ZNF793: variants seen among roughly 807,000 people sequenced by gnomAD.
ZNF793 encodes the protein zinc finger protein 793.
A neutral mutation model predicts 12.4 loss-of-function variants in ZNF793; 5 were observed. That is an observed-to-expected ratio of 0.40 (90% CI 0.21 to 0.84). ZNF793 has a LOEUF of 0.84. ZNF793 is among the 40% of genes least tolerant of loss of function. ZNF793 has a pLI of 0.35. For synonymous variants in ZNF793, 162 were observed against 172.4 expected (o/e 0.94, Z 0.47); for missense variants, 456 against 495.0 (o/e 0.92, Z 0.75).
chr19:37,510,295 A>G (rs1480482406), intron 2 of ZNF793, among the ~76,000 whole-genome samples: 1 of 151,730 alleles, frequency 6.6e-6, no homozygotes, highest in Non-Finnish European at 1.5e-5. Context: ...ACTTGAGGTC[A>G]GGAGTTCAAG....
intron 6 of ZNF793, among the ~76,000 whole-genome samples, chr19:37,532,716 G>A (rs1474187139): frequency 1.3e-5 from 2 of 152,070 alleles, no homozygotes; most frequent in Admixed American, 6.5e-5. Context: ...CTACTCAGGA[G>A]GCTAAGGCAG....
At chr19:37,523,320 G>C in intron 4 of ZNF793, 90 bp from the exon 5 acceptor site, 2 of 1,009,264 alleles carry the variant, frequency 2.0e-6, no homozygotes, top group South Asian at 2.8e-5. Context: ...ATTTACAAAG[G>C]GAATTTGCAA....
chr19:37,534,909 C>T (rs1396808220), intron 7 of ZNF793: 3 of 152,338 alleles, frequency 2.0e-5, no homozygotes, highest in African/African-American at 7.2e-5. Flanking sequence ...GTCTCAAACT[C>T]CTGGGCTCAA....
chr19:37,532,323 C>A, intron 5 of ZNF793, 33 bp from the exon 6 acceptor site: 1 of 1,597,632 alleles, frequency 6.3e-7, no homozygotes, highest in South Asian at 1.1e-5. Context: ...CATTTTTTTT[C>A]GACATGACTC....
intron 3 of ZNF793, among the ~76,000 whole-genome samples, chr19:37,522,261 G>C (rs931557281): frequency 2.6e-5 from 4 of 152,032 alleles, no homozygotes; most frequent in Non-Finnish European, 1.5e-5. Flanking sequence ...GCAATGGCGC[G>C]ATCTTGGCTC....
chr19:37,527,911 G>A (rs189779034), intron 5 of ZNF793, among the ~76,000 whole-genome samples: 20 of 151,892 alleles, frequency 1.3e-4, no homozygotes, highest in Non-Finnish European at 2.5e-4. Flanking sequence ...TTGAGGTCAG[G>A]AGTTTGAGAC....
intron 5 of ZNF793, 131 bp downstream of exon 5, chr19:37,523,585 T>A: frequency 1.2e-6 from 1 of 825,426 alleles, no homozygotes; most frequent in Non-Finnish European, 2.0e-6. Context: ...GACTCATAGA[T>A]GGAGATTTTT....
At chr19:37,524,152 A>AAATAATAATAAT (rs200203820) in intron 5 of ZNF793, among the ~76,000 whole-genome samples, 1 of 138,950 alleles carries the variant, frequency 7.2e-6, no homozygotes, top group African/African-American at 2.7e-5. Flanking sequence ...CTCCATCTCA[A>AAATAATAATAAT]AATAATAATA....
At chr19:37,517,287 A>G (rs1279397384) in intron 2 of ZNF793, among the ~76,000 whole-genome samples, 1 of 152,074 alleles carries the variant, frequency 6.6e-6, no homozygotes, top group Non-Finnish European at 1.5e-5. Flanking sequence ...TTTAGTCTGT[A>G]TCTACAGCTG....
chr19:37,531,554 G>GC (rs968111421), intron 5 of ZNF793, among the ~76,000 whole-genome samples: 3 of 151,960 alleles, frequency 2.0e-5, no homozygotes, highest in African/African-American at 4.8e-5. Context: ...TCACCGTTTT[G>GC]CCCCCCGGCC....
At chr19:37,509,336 A>T (rs556671199) in intron 2 of ZNF793, among the ~76,000 whole-genome samples, 1 of 152,324 alleles carries the variant, frequency 6.6e-6, no homozygotes, top group Non-Finnish European at 1.5e-5. Context: ...GCAGTATTTG[A>T]CTTTCTATTT....
Position 37,538,199 on chromosome 19 carries a change from G to A in ZNF793, c.*320G>A, listed in dbSNP as rs957654882. The stretch of plus-strand genomic sequence containing the variant: ...CAAAGTGCTGGGATTACAGGCGTGA[G>A]CCACCGCGCCTGGCCGGTATGTAGG... On this transcript the variant is annotated 3_prime_UTR_variant, in exon 8 of 8. Coordinates refer to ENST00000627814, the MANE Select transcript of ZNF793 (RefSeq NM_001013659.3). 5.2e-5 allele frequency: 12 copies of A among 229,570 alleles called. No individual in the cohort carries two copies. Among genetic ancestry groups the A allele is most frequent in the South Asian group, 9.0e-5 (1 of 11,166 alleles). 14.2% of individuals were successfully genotyped at this position (229,570 alleles called of 1,614,324 possible). A position where few individuals can be genotyped will look rare whatever the true frequency, so the allele number is the denominator to read the frequency against.
At chr19:37,523,285 C>CT in intron 4 of ZNF793, 125 bp from the exon 5 acceptor site, 1 of 771,246 alleles carries the variant, frequency 1.3e-6, no homozygotes, top group Non-Finnish European at 2.2e-6. Context: ...CCACACCCAG[C>CT]TAAAAGCATG....
chr19:37,516,397 G>C (rs1313820793), intron 2 of ZNF793, among the ~76,000 whole-genome samples: 1 of 152,076 alleles, frequency 6.6e-6, no homozygotes, highest in Non-Finnish European at 1.5e-5. Flanking sequence ...GGCCTCCCAA[G>C]TGCTGGGATT....
intron 2 of ZNF793, among the ~76,000 whole-genome samples, chr19:37,519,702 G>A (rs1322702774): frequency 6.6e-6 from 1 of 152,172 alleles, no homozygotes; most frequent in Non-Finnish European, 1.5e-5. Flanking sequence ...AATGCAAATG[G>A]CCAATAAATA....
chr19:37,528,219 G>A (rs2042431561), intron 5 of ZNF793, among the ~76,000 whole-genome samples: 1 of 152,130 alleles, frequency 6.6e-6, no homozygotes, highest in South Asian at 2.1e-4. Flanking sequence ...TAGAACTTCT[G>A]TCCTCTCCTA....
chr19:37,526,843 G>A (rs150288479), intron 5 of ZNF793, among the ~76,000 whole-genome samples: 1 of 152,212 alleles, frequency 6.6e-6, no homozygotes, highest in Non-Finnish European at 1.5e-5. Flanking sequence ...CCTGGAGGTG[G>A]TAGGCCAGTG....
chr19:37,528,276 A>G (rs1458071087), intron 5 of ZNF793, among the ~76,000 whole-genome samples: 1 of 152,166 alleles, frequency 6.6e-6, no homozygotes, highest in Non-Finnish European at 1.5e-5. Context: ...AATGTGTGCC[A>G]ATACAGACGG....
rs114760081 is a variant in ZNF793 at position 37,524,386 on chromosome 19, G to C, written c.15+932G>C. On this transcript the variant is annotated intron_variant, in intron 5 of 7. Transcript: ENST00000627814. ...GTATGCAAGGGAATATGACTGATTT[G>C]ACCAGTCCCTCATTTGATGGACATT... Among the ~76,000 whole-genome samples the C allele has an allele frequency of 6.3e-3, 956 of 152,034 alleles. 11 individuals carry two copies. The highest frequency in any genetic ancestry group is 0.022 in the African/African-American group (916 of 41,484).
Sources: gnomAD v4.1 joint callset for allele counts (sites outside exome capture counted in the v4.1 genomes callset) on GRCh38, gnomAD v4.1.1 for gene constraint, MANE v1.5 for transcripts, NCBI Gene and HGNC (gene_info 2026-07-23, HGNC 2026-07-21) for gene names.